GPC5: variants seen among roughly 807,000 people sequenced by gnomAD.
The protein encoded by GPC5 is glypican-5.
A neutral mutation model predicts 53.9 loss-of-function variants in GPC5; 47 were observed. The ratio of observed to expected loss-of-function variants is 0.87; its 90% CI spans 0.69 to 1.11. The LOEUF is 1.11. Ranked by LOEUF, GPC5 falls within the 50% of genes most tolerant of loss-of-function variation. The pLI, the probability that GPC5 is intolerant of heterozygous loss-of-function variation, is 0.00. For missense variants in GPC5, 748 were observed against 713.1 expected, an observed-to-expected ratio of 1.05 and a Z score of -0.56; for synonymous variants, 286 against 263.3, an observed-to-expected ratio of 1.09 and a Z score of -0.84.
chr13:92,752,888 T>G (rs994561223), intron 7 of GPC5, among the ~76,000 whole-genome samples: 1 of 152,068 alleles, frequency 6.6e-6, no homozygotes, highest in Non-Finnish European at 1.5e-5. Flanking sequence ...GAGATCAAAC[T>G]GCAAGGCGGC....
rs973006581 is a variant in GPC5 at position 92,046,842 on chromosome 13, T to G, written c.1402-97988T>G. 2.0e-5 allele frequency among the ~76,000 whole-genome samples: 3 copies of G among 152,222 alleles called. No homozygotes were observed. The South Asian group carries it at 6.2e-4, about 32-fold the overall frequency. ...AATGACAGCATGCAGACTTCTGTCT[T>G]TATAATGCATTCGTGTATATTTTCG... On this transcript the variant is annotated intron_variant, in intron 6 of 7. Transcript: ENST00000377067.
chr13:92,368,204 C>T (rs953051670), intron 7 of GPC5, among the ~76,000 whole-genome samples: 4 of 151,664 alleles, frequency 2.6e-5, no homozygotes, highest in East Asian at 4.0e-4. Flanking sequence ...AGTCTGGTCT[C>T]GAACTCCTGA....
intron 2 of GPC5, among the ~76,000 whole-genome samples, chr13:91,559,220 T>G (rs1594252322): frequency 6.6e-6 from 1 of 152,152 alleles, no homozygotes; most frequent in African/African-American, 2.4e-5. Context: ...TGGTTGACTA[T>G]GATGAAAGCC....
In GPC5 at chr13:91,398,961, G is replaced by T. The variant is rs1350036400; in HGVS notation, c.-86G>T. 3 of 1,460,140 alleles carry T rather than the reference G, an allele frequency of 2.1e-6. No individual in the cohort carries two copies. Among genetic ancestry groups the T allele is most frequent in the East Asian group, 2.5e-5 (1 of 39,612 alleles). The allele number at this position is 1,460,140 out of a possible 1,614,324, so 90.4% of individuals were successfully genotyped here. A position where few individuals can be genotyped will look rare whatever the true frequency, so the allele number is the denominator to read the frequency against. On this transcript the variant is annotated 5_prime_UTR_variant, in exon 1 of 8. Transcript: ENST00000377067. ...CTCGCACCGCTCGAGAGCCTCGGCC[G>T]CTGTGTCTTCCACGTCTGCAGCTCA...
chr13:91,439,953 G>A lies in GPC5; in HGVS notation c.164-8808G>A, dbSNP rs540350516. Among the ~76,000 whole-genome samples, 436 of 152,266 alleles carry A rather than the reference G, an allele frequency of 2.9e-3. 1 individual carries two copies. The highest frequency in any genetic ancestry group is 4.6e-3 in the Non-Finnish European group (316 of 68,002). On this transcript the variant is annotated intron_variant, in intron 1 of 7. Transcript: ENST00000377067. ...ATAAAATTCTTCTACAAGGCCCCAT[G>A]TGAACCAACCTCATCTCCTGTTTTT...
chr13:91,761,241 G>T (rs1040463393), intron 5 of GPC5, among the ~76,000 whole-genome samples: 9 of 152,054 alleles, frequency 5.9e-5, no homozygotes, highest in African/African-American at 2.2e-4. Flanking sequence ...TTCCACAGTG[G>T]CTCTTAAACC....
intron 2 of GPC5, among the ~76,000 whole-genome samples, chr13:91,543,792 A>G (rs1285168028): frequency 6.6e-6 from 1 of 151,856 alleles, no homozygotes. Flanking sequence ...AATTGTAAAG[A>G]GATAGAGACT....
rs148200964 is a variant in GPC5 at position 91,679,289 on chromosome 13, C to T, written c.326-13898C>T. On this transcript the variant is annotated intron_variant, in intron 2 of 7. Transcript: ENST00000377067. ...GAACAGCTATTGATGACTCACTGGA[C>T]GTGGGCAATAAAAGTTCTAAGACTT... 3.3e-3 allele frequency among the ~76,000 whole-genome samples: 503 copies of T among 152,040 alleles called. 5 individuals carry two copies. The highest frequency in any genetic ancestry group is 0.028 in the East Asian group (147 of 5,168).
intron 7 of GPC5, among the ~76,000 whole-genome samples, chr13:92,795,021 T>C (rs977292597): frequency 1.3e-5 from 2 of 151,984 alleles, no homozygotes; most frequent in African/African-American, 4.8e-5. Flanking sequence ...CTTAACAGAA[T>C]TGGAAAAAAC....
At chr13:91,691,194 C>T (rs577190244) in intron 2 of GPC5, among the ~76,000 whole-genome samples, 41 of 152,290 alleles carry the variant, frequency 2.7e-4, no homozygotes, top group African/African-American at 9.9e-4. Context: ...GCTTGCTGAA[C>T]AACTCTGTAA....
chr13:92,582,635 A>C (rs1246901638), intron 7 of GPC5, among the ~76,000 whole-genome samples: 1 of 152,104 alleles, frequency 6.6e-6, no homozygotes, highest in Non-Finnish European at 1.5e-5. Context: ...CATGAGCATG[A>C]GATATCTTTT....
At chr13:91,412,331 A>G (rs1877867797) in intron 1 of GPC5, among the ~76,000 whole-genome samples, 1 of 152,234 alleles carries the variant, frequency 6.6e-6, no homozygotes, top group African/African-American at 2.4e-5. Flanking sequence ...TGAGCTCCCA[A>G]TAAAATCCAA....
At chr13:92,384,656 AG>A (rs1397497742) in intron 7 of GPC5, among the ~76,000 whole-genome samples, 1 of 151,748 alleles carries the variant, frequency 6.6e-6, no homozygotes, top group Non-Finnish European at 1.5e-5. Flanking sequence ...GAGGGGAATA[AG>A]GTAGCCTCAC....
chr13:92,334,407 CAT>C (rs1195138429), intron 7 of GPC5, among the ~76,000 whole-genome samples: 1 of 152,134 alleles, frequency 6.6e-6, no homozygotes, highest in Admixed American at 6.5e-5. Context: ...TCCCATGACA[CAT>C]GGGGATTAAG....
chr13:92,104,545 G>A (rs964713132), intron 6 of GPC5, among the ~76,000 whole-genome samples: 16 of 152,094 alleles, frequency 1.1e-4, no homozygotes, highest in Non-Finnish European at 2.2e-4. Context: ...ATTTATTAGA[G>A]GAGAATCCTG....
intron 5 of GPC5, among the ~76,000 whole-genome samples, chr13:91,860,230 C>T (rs76823390): frequency 0.023 from 3,465 of 152,176 alleles, 66 homozygotes; most frequent in Middle Eastern, 0.034. Context: ...CTTCCTCTTA[C>T]GCTTCCCAGC....
chr13:92,193,567 A>G (rs957201295), intron 7 of GPC5, among the ~76,000 whole-genome samples: 1 of 152,226 alleles, frequency 6.6e-6, no homozygotes, highest in Non-Finnish European at 1.5e-5. Flanking sequence ...TGATAAAACT[A>G]CCTCTTAAGA....
intron 7 of GPC5, among the ~76,000 whole-genome samples, chr13:92,280,385 T>G (rs1412320886): frequency 6.6e-6 from 1 of 152,148 alleles, no homozygotes; most frequent in Non-Finnish European, 1.5e-5. Context: ...GTTCCTTCCT[T>G]TTGCTGGATT....
At chr13:91,568,365 C>T in intron 2 of GPC5, among the ~76,000 whole-genome samples, 1 of 152,072 alleles carries the variant, frequency 6.6e-6, no homozygotes. Context: ...TATTCCTAGG[C>T]TCATTAAAGT....
Sources: gnomAD v4.1 joint callset for allele counts (sites outside exome capture counted in the v4.1 genomes callset) on GRCh38, gnomAD v4.1.1 for gene constraint, MANE v1.5 for transcripts, NCBI Gene and HGNC (gene_info 2026-07-23, HGNC 2026-07-21) for gene names.